STIMATE: variants seen among roughly 807,000 people sequenced by gnomAD.
STIMATE encodes the protein STIM activating enhancer, also known as store-operated calcium entry regulator STIMATE.
A neutral mutation model predicts 36.7 loss-of-function variants in STIMATE; 15 were observed. That is an observed-to-expected ratio of 0.41 (90% CI 0.27 to 0.63). The LOEUF is 0.63. Ranked by LOEUF, STIMATE falls within the 20% of genes least tolerant of loss-of-function variation. STIMATE has a pLI of 0.32. For missense variants in STIMATE, 305 were observed against 397.3 expected (o/e 0.77, Z 1.98); for synonymous variants, 163 against 162.3 (o/e 1.00, Z -0.03).
In STIMATE at chr3:52,849,802, G is replaced by A. The variant is rs544878636; in HGVS notation, c.417C>T (p.Phe139=). Residue 139 remains phenylalanine (F), a synonymous_variant, in exon 4 of 8, where the codon TTC becomes TTT. Coordinates refer to ENST00000355083, the MANE Select transcript of STIMATE (RefSeq NM_198563.5). ...VEWQQWESLR[F]GEYGDPLQCG... ...TCCACAGCATATTACCATATTCGCC[G>A]AAGCGCAGGGACTCCCACTGCTGCC... The A allele has an allele frequency of 1.0e-4, 163 of 1,613,030 alleles. No homozygotes were observed. The highest frequency in any genetic ancestry group is 4.2e-4 in the Admixed American group (25 of 60,014).
intron 1 of STIMATE, among the ~76,000 whole-genome samples, chr3:52,884,551 G>A (rs1309494107): frequency 2.0e-5 from 3 of 152,124 alleles, no homozygotes; most frequent in Non-Finnish European, 2.9e-5. Flanking sequence ...CGCCCAAAAA[G>A]TCCTTTTGCA....
intron 1 of STIMATE, among the ~76,000 whole-genome samples, chr3:52,872,309 G>A (rs1483380790): frequency 1.3e-5 from 2 of 152,196 alleles, no homozygotes; most frequent in Non-Finnish European, 2.9e-5. Context: ...TAGCTAAACA[G>A]TATTTGTTGA....
intron 3 of STIMATE, among the ~76,000 whole-genome samples, chr3:52,850,325 G>A (rs139487543): frequency 0.014 from 2,079 of 152,228 alleles, 46 homozygotes; most frequent in African/African-American, 0.045. Context: ...CCAGCTACTC[G>A]GGGGGCTGAG....
chr3:52,852,176 G>A (rs1701012433), intron 3 of STIMATE, among the ~76,000 whole-genome samples: 1 of 152,228 alleles, frequency 6.6e-6, no homozygotes, highest in Admixed American at 6.5e-5. Context: ...ATGATAAGGT[G>A]GAAGAGGTCA....
intron 1 of STIMATE, among the ~76,000 whole-genome samples, chr3:52,867,958 G>A (rs9825230): frequency 0.34 from 50,937 of 152,020 alleles, 9,160 homozygotes; most frequent in Admixed American, 0.48. Flanking sequence ...ATGGAGCCCA[G>A]GCCCCCTCTC....
chr3:52,878,886 A>T (rs1001121091), intron 1 of STIMATE, among the ~76,000 whole-genome samples: 5 of 152,198 alleles, frequency 3.3e-5, no homozygotes, highest in Non-Finnish European at 5.9e-5. Context: ...TGCCAATAGC[A>T]TGGCAGATGA....
chr3:52,851,740 T>C (rs1701003226), intron 3 of STIMATE, among the ~76,000 whole-genome samples: 1 of 152,256 alleles, frequency 6.6e-6, no homozygotes, highest in South Asian at 2.1e-4. Flanking sequence ...ATTCATTCAC[T>C]TAGCAAACAT....
At chr3:52,852,428 T>C (rs1443176523) in intron 3 of STIMATE, among the ~76,000 whole-genome samples, 175 bp downstream of exon 3, 1 of 152,096 alleles carries the variant, frequency 6.6e-6, no homozygotes, top group East Asian at 1.9e-4. Flanking sequence ...CTGATAGCTG[T>C]GTAAGTGAGC....
chr3:52,859,180 TAAAA>T (rs1387208820), intron 1 of STIMATE, among the ~76,000 whole-genome samples: 1 of 146,448 alleles, frequency 6.8e-6, no homozygotes, highest in Non-Finnish European at 1.5e-5. Context: ...ATAAAATAAA[TAAAA>T]TAAAATAAAA....
At chr3:52,895,055 C>T (rs974454217) in intron 1 of STIMATE, among the ~76,000 whole-genome samples, 5 of 152,214 alleles carry the variant, frequency 3.3e-5, no homozygotes, top group African/African-American at 4.8e-5. Context: ...CTGGCAGCTC[C>T]GCCAGACTGA....
At chr3:52,873,240 G>A (rs999830693) in intron 1 of STIMATE, among the ~76,000 whole-genome samples, 10 of 152,226 alleles carry the variant, frequency 6.6e-5, no homozygotes, top group Non-Finnish European at 7.3e-5. Flanking sequence ...AATGATGGCA[G>A]TAGGAGCGAG....
chr3:52,842,799 G>C lies in STIMATE; in HGVS notation c.768+12C>G, dbSNP rs1468426786. On this transcript the variant is annotated intron_variant, in intron 7 of 7. Transcript: ENST00000355083. ...GACGGCTTGGGCCCTTGGAGAGTCA[G>C]GGAGGCCCTACCTCAGACTCAGACT... 3.7e-6 allele frequency: 6 copies of C among 1,614,016 alleles called. No homozygotes were observed. The South Asian group carries it at 5.5e-5, about 15-fold the overall frequency.
At chr3:52,845,640 C>T (rs1455365392) in intron 4 of STIMATE, among the ~76,000 whole-genome samples, 1 of 152,200 alleles carries the variant, frequency 6.6e-6, no homozygotes, top group Non-Finnish European at 1.5e-5. Context: ...GGGACCCCTT[C>T]AGTCACCATG....
chr3:52,876,569 T>C (rs746891115), intron 1 of STIMATE, among the ~76,000 whole-genome samples: 2 of 152,208 alleles, frequency 1.3e-5, no homozygotes, highest in Non-Finnish European at 2.9e-5. Context: ...ATCCTCCTCC[T>C]CCTCGGCTTT....
chr3:52,850,011 A>G, intron 3 of STIMATE, 98 bp from the exon 4 acceptor site: 7 of 1,472,438 alleles, frequency 4.8e-6, no homozygotes, highest in Middle Eastern at 2.2e-4. Context: ...TGGACCCAGC[A>G]TTTGTTTGGG....
intron 1 of STIMATE, among the ~76,000 whole-genome samples, chr3:52,859,134 C>A (rs1575333418): frequency 1.3e-5 from 2 of 148,260 alleles, no homozygotes; most frequent in Non-Finnish European, 3.0e-5. Flanking sequence ...TGCACTCCAG[C>A]CTGGGCGACA....
At chr3:52,877,433 T>C (rs1701518663) in intron 1 of STIMATE, among the ~76,000 whole-genome samples, 1 of 152,082 alleles carries the variant, frequency 6.6e-6, no homozygotes, top group Non-Finnish European at 1.5e-5. Flanking sequence ...CCAATGAGCA[T>C]AAGTAAATGT....
chr3:52,866,370 C>T (rs1280887519), intron 1 of STIMATE, among the ~76,000 whole-genome samples: 1 of 152,236 alleles, frequency 6.6e-6, no homozygotes, highest in Non-Finnish European at 1.5e-5. Flanking sequence ...CCACCGTCTA[C>T]CGCCTTGAGG....
At chr3:52,865,971 A>C (rs912755355) in intron 1 of STIMATE, among the ~76,000 whole-genome samples, 4 of 152,124 alleles carry the variant, frequency 2.6e-5, no homozygotes, top group Non-Finnish European at 4.4e-5. Context: ...CCTACTGTAC[A>C]CATGGCTCCA....
Sources: allele counts gnomAD v4.1 joint callset (sites outside exome capture counted in the v4.1 genomes callset), GRCh38; gene constraint gnomAD v4.1.1; transcripts MANE v1.5; gene names NCBI Gene and HGNC (gene_info 2026-07-23, HGNC 2026-07-21).